Variants in CDH13 observed in about 807,000 individuals in gnomAD.
The protein encoded by CDH13 is cadherin-13.
A neutral mutation model predicts 63.8 loss-of-function variants in CDH13; 24 were observed. The observed-to-expected ratio is 0.38, with a 90% CI of 0.27 to 0.53. The LOEUF is 0.53. Among genes scored for constraint, CDH13 ranks in the 20% least tolerant of loss-of-function variants. CDH13 has a pLI of 0.85. For synonymous variants in CDH13, 503 were observed against 355.3 expected, an observed-to-expected ratio of 1.42 and a Z score of -4.67; for missense variants, 1,049 against 903.1, an observed-to-expected ratio of 1.16 and a Z score of -2.07.
intron 1 of CDH13, among the ~76,000 whole-genome samples, chr16:82,811,936 G>T (rs1184595554): frequency 6.6e-6 from 1 of 152,088 alleles, no homozygotes; most frequent in Non-Finnish European, 1.5e-5. Context: ...TGCCTTTTGA[G>T]TATCATGGAA....
intron 4 of CDH13, among the ~76,000 whole-genome samples, chr16:83,196,390 C>T (rs765565082): frequency 3.8e-4 from 58 of 152,172 alleles, no homozygotes; most frequent in Admixed American, 4.6e-4. Flanking sequence ...AGTTCTTATA[C>T]TTGTCACAAA....
chr16:83,278,819 G>A (rs1195881404), intron 5 of CDH13, among the ~76,000 whole-genome samples: 3 of 152,190 alleles, frequency 2.0e-5, no homozygotes, highest in Non-Finnish European at 4.4e-5. Flanking sequence ...AAATGAGGCT[G>A]AAAAGAGAAG....
chr16:83,124,102 G>C (rs1171486814), intron 3 of CDH13, among the ~76,000 whole-genome samples: 1 of 152,240 alleles, frequency 6.6e-6, no homozygotes, highest in South Asian at 2.1e-4. Context: ...ATGGAGTTCA[G>C]TGGTGTAATC....
chr16:82,631,194 G>A (rs1165777649), intron 1 of CDH13, among the ~76,000 whole-genome samples: 1 of 152,152 alleles, frequency 6.6e-6, no homozygotes, highest in Non-Finnish European at 1.5e-5. Flanking sequence ...TATCCCCTCT[G>A]AGTATTGGAG....
Position 82,682,661 on chromosome 16 carries a change from G to T in CDH13, c.45+55524G>T, listed in dbSNP as rs528384004. On this transcript the variant is annotated intron_variant, in intron 1 of 13. Transcript: ENST00000567109. ...TTTGCCCCCTAGGAAATTCAAATAG[G>T]AAGTCTCCAAGGAGCAAGGTTGTAT... Among the ~76,000 whole-genome samples, 271 of 152,300 alleles carry T rather than the reference G, an allele frequency of 1.8e-3. 1 individual carries two copies. Among genetic ancestry groups the T allele is most frequent in the African/African-American group, 6.4e-3 (264 of 41,554 alleles).
intron 7 of CDH13, among the ~76,000 whole-genome samples, chr16:83,503,718 G>A (rs36110633): frequency 0.22 from 33,430 of 152,008 alleles, 3,783 homozygotes; most frequent in Middle Eastern, 0.32. Flanking sequence ...CATATCCTTC[G>A]CCTGCTTTTT....
rs781281316 is a variant in CDH13, at chr16:83,783,390, T to G, written c.2052T>G (p.Asn684Lys). Reference protein sequence around the residue: ...DLRVQVCSCRNSKVDCNAAGA... With the variant: ...DLRVQVCSCRKSKVDCNAAGA... ...GGGTACAAGTGTGCTCCTGCAGGAA[T>G]TCCAAAGTGGACTGCAACGCGGCAG... Residue 684 changes from asparagine (N) to lysine (K), a missense_variant, in exon 13 of 14, where the codon AAT becomes AAG. Transcript: ENST00000567109. The G allele has an allele frequency of 1.2e-6, 2 of 1,613,986 alleles. No homozygotes were observed. The highest frequency in any genetic ancestry group is 3.3e-5 in the Admixed American group (2 of 60,024).
At chr16:83,527,881 A>G (rs2074999433) in intron 7 of CDH13, among the ~76,000 whole-genome samples, 2 of 152,220 alleles carry the variant, frequency 1.3e-5, no homozygotes. Context: ...TCTCAGTACC[A>G]CTTTAATGTT....
chr16:82,906,707 T>G (rs145848025), intron 2 of CDH13, among the ~76,000 whole-genome samples: 38 of 152,302 alleles, frequency 2.5e-4, no homozygotes, highest in African/African-American at 8.2e-4. Flanking sequence ...AATTCCATAT[T>G]CATGGTTTCG....
chr16:83,620,128 C>T (rs1328543031), intron 8 of CDH13, among the ~76,000 whole-genome samples: 1 of 152,128 alleles, frequency 6.6e-6, no homozygotes, highest in Non-Finnish European at 1.5e-5. Context: ...CTCAGTGGCT[C>T]ACGCCTGTAA....
Position 82,742,623 on chromosome 16 carries a change from C to T in CDH13, c.45+115486C>T, listed in dbSNP as rs2033983181. 2.0e-5 allele frequency among the ~76,000 whole-genome samples: 3 copies of T among 152,070 alleles called. No individual in the cohort carries two copies. In the East Asian group the frequency reaches 5.8e-4, roughly 29 times the overall value. On this transcript the variant is annotated intron_variant, in intron 1 of 13. Transcript: ENST00000567109. ...TAATTTAAATATGAAATTCTGTTTTCTCTAATGTAATTGTACCTGAGTGAA... is the reference window on the plus strand; with the variant it reads ...TAATTTAAATATGAAATTCTGTTTTTTCTAATGTAATTGTACCTGAGTGAA...
intron 10 of CDH13, among the ~76,000 whole-genome samples, chr16:83,707,915 C>T (rs1353908235): frequency 6.8e-6 from 1 of 147,626 alleles, no homozygotes; most frequent in Non-Finnish European, 1.5e-5. Context: ...TTCCTTCTAC[C>T]CTAATGACAC....
intron 1 of CDH13, among the ~76,000 whole-genome samples, chr16:82,798,747 C>G (rs1021558957): frequency 3.9e-5 from 6 of 152,078 alleles, no homozygotes; most frequent in Non-Finnish European, 8.8e-5. Flanking sequence ...ACACATGCCC[C>G]AGGTAGAGCT....
intron 10 of CDH13, chr16:83,726,516 C>A (rs761684726): frequency 6.6e-6 from 1 of 152,082 alleles, no homozygotes; most frequent in Non-Finnish European, 1.5e-5. Context: ...ATTTGCTAAA[C>A]GGGCAAAAAA....
At chr16:83,582,737 G>A (rs1267747752) in intron 7 of CDH13, among the ~76,000 whole-genome samples, 1 of 152,194 alleles carries the variant, frequency 6.6e-6, no homozygotes, top group Non-Finnish European at 1.5e-5. Flanking sequence ...ATGGAGCTCA[G>A]CGTTGACAGA....
chr16:82,768,692 G>C (rs933999877), intron 1 of CDH13, among the ~76,000 whole-genome samples: 1 of 152,188 alleles, frequency 6.6e-6, no homozygotes, highest in South Asian at 2.1e-4. Flanking sequence ...GCTTAGGTCT[G>C]TTTACAGCTC....
chr16:83,336,300 CAA>C (rs376325733), intron 5 of CDH13, among the ~76,000 whole-genome samples: 1,121 of 48,956 alleles, frequency 0.023, 18 homozygotes, highest in Non-Finnish European at 0.032. Context: ...GACTCCATCT[CAA>C]AAAAAAAAAA....
intron 1 of CDH13, among the ~76,000 whole-genome samples, chr16:82,659,785 A>C (rs949664483): frequency 6.6e-6 from 1 of 152,094 alleles, no homozygotes. Context: ...CATGGTGGCC[A>C]CTTTGGGCAG....
At chr16:82,779,557 G>A (rs7188408) in intron 1 of CDH13, among the ~76,000 whole-genome samples, 1 of 152,178 alleles carries the variant, frequency 6.6e-6, no homozygotes, top group Admixed American at 6.5e-5. Flanking sequence ...AAGGGGCGGA[G>A]CGGGAGAAGG....
Sources: allele counts gnomAD v4.1 joint callset (sites outside exome capture counted in the v4.1 genomes callset), GRCh38; gene constraint gnomAD v4.1.1; transcripts MANE v1.5; gene names NCBI Gene and HGNC (gene_info 2026-07-23, HGNC 2026-07-21).